LRRC14: variants seen among roughly 807,000 people sequenced by gnomAD.
LRRC14 encodes leucine-rich repeat-containing protein 14.
Under a neutral mutation model 25.3 loss-of-function variants are expected in LRRC14, and 16 were observed. The ratio of observed to expected loss-of-function variants is 0.63; its 90% CI spans 0.43 to 0.96. LRRC14 has a LOEUF of 0.96. Ranked by LOEUF, LRRC14 falls within the 40% of genes least tolerant of loss-of-function variation. The pLI is 0.00. For synonymous variants in LRRC14, 359 were observed against 295.1 expected (o/e 1.22, Z -2.22); for missense variants, 594 against 660.5 (o/e 0.90, Z 1.10).
Position 144,524,384 on chromosome 8 carries a change from C to G in LRRC14, c.*2906C>G, listed in dbSNP as rs1816267631. On this transcript the variant is annotated 3_prime_UTR_variant, in exon 4 of 4. Coordinates refer to ENST00000292524, the MANE Select transcript of LRRC14 (RefSeq NM_014665.4). ...GTTGCCTTTTCTAACTATTCCAGCC[C>G]TACAGGGCGAGGGGCCATAATGGAG... 1 of 1,594,080 alleles carries G rather than the reference C, an allele frequency of 6.3e-7. No individual in the cohort carries two copies. The highest frequency in any genetic ancestry group is 1.3e-5 in the African/African-American group (1 of 74,748).
In LRRC14 at chr8:144,523,441, G is replaced by A. The variant is rs1286323758; in HGVS notation, c.*1963G>A. The A allele has an allele frequency of 2.7e-6, 4 of 1,506,882 alleles. No individual in the cohort carries two copies. The highest frequency in any genetic ancestry group is 4.5e-5 in the Admixed American group (2 of 44,308). The allele number at this position is 1,506,882 out of a possible 1,614,324, so 93.3% of individuals were successfully genotyped here. ...GAGAGCAGCGTTAGGCAGGTGGCTTGAGGGTGCTGCTAAAACAGCCTGTGC... is the reference window on the plus strand; with the variant it reads ...GAGAGCAGCGTTAGGCAGGTGGCTTAAGGGTGCTGCTAAAACAGCCTGTGC... On this transcript the variant is annotated 3_prime_UTR_variant, in exon 4 of 4. Coordinates refer to ENST00000292524, the MANE Select transcript of LRRC14 (RefSeq NM_014665.4).
Position 144,524,464 on chromosome 8 carries a change from C to T in LRRC14, c.*2986C>T, listed in dbSNP as rs756405319. 2.1e-5 allele frequency: 34 copies of T among 1,597,852 alleles called. No individual in the cohort carries two copies. In the South Asian group the frequency reaches 3.1e-4, roughly 14 times the overall value. ...ACCGGCAGGTGCAAGAAGGTGAAAT[C>T]CAGCAGCCGCGCCAGCTGGTTGCCC... On this transcript the variant is annotated 3_prime_UTR_variant, in exon 4 of 4. Coordinates refer to ENST00000292524, the MANE Select transcript of LRRC14 (RefSeq NM_014665.4).
intron 1 of LRRC14, chr8:144,519,364 G>A (rs1815794158): frequency 2.6e-5 from 9 of 341,302 alleles, no homozygotes; most frequent in Non-Finnish European, 5.0e-5. Context: ...TTTGTAATTT[G>A]AGAGGCCTGA....
In LRRC14 at chr8:144,521,692, T is replaced by G. The variant is rs77726980; in HGVS notation, c.*214T>G. The stretch of plus-strand genomic sequence containing the variant: ...CTTGCTCCATAATTGGCTGATCATC[T>G]GTGGGCCCCGGGGCTGGATGTCAGG... On this transcript the variant is annotated 3_prime_UTR_variant, in exon 4 of 4. Transcript: ENST00000292524. The G allele has an allele frequency of 6.4e-4, 372 of 583,326 alleles. 5 individuals carry two copies. In the East Asian group the frequency reaches 0.011, roughly 17 times the overall value. The allele number at this position is 583,326 out of a possible 1,614,324, so 36.1% of individuals were successfully genotyped here. A position where few individuals can be genotyped will look rare whatever the true frequency, so the allele number is the denominator to read the frequency against.
Position 144,522,926 on chromosome 8 carries a change from G to A in LRRC14, c.*1448G>A. ...GGGCTGCTGCGGCTGCTGCCGGGAC[G>A]CGTTGACCAGGAGCCGGAAGGGCAC... On this transcript the variant is annotated 3_prime_UTR_variant, in exon 4 of 4. Coordinates refer to ENST00000292524, the MANE Select transcript of LRRC14 (RefSeq NM_014665.4). 6.7e-7 allele frequency: 1 copy of A among 1,500,846 alleles called. No individual in the cohort carries two copies. Among genetic ancestry groups the A allele is most frequent in the Non-Finnish European group, 8.8e-7 (1 of 1,134,680 alleles). 93.0% of individuals were successfully genotyped at this position (1,500,846 alleles called of 1,614,324 possible).
rs879249743 is a variant in LRRC14, at chr8:144,520,493, C to T, written c.585C>T (p.Leu195=). The change falls in exon 3 of 4, where the codon CTC becomes CTT. Residue 195 remains leucine (L), a synonymous_variant. Transcript: ENST00000292524. The stretch of plus-strand genomic sequence containing the variant: ...GCAGCGTGGGCAGCCCGCTGCGGCT[C>T]TGCTGCCGGGACCTGCGAGCTGAGG... ...LRSSVGSPLR[L]CCRDLRAEDL... is the part of the protein sequence containing the mutation. 6 of 1,598,624 alleles carry T rather than the reference C, an allele frequency of 3.8e-6. No homozygotes were observed. The South Asian group carries it at 6.6e-5, about 18-fold the overall frequency.
Position 144,524,809 on chromosome 8 carries a change from T to G in LRRC14, c.*3331T>G. The G allele has an allele frequency of 6.8e-7, 1 of 1,460,116 alleles. No homozygotes were observed. Among genetic ancestry groups the G allele is most frequent in the South Asian group, 1.3e-5 (1 of 74,878 alleles). The allele number at this position is 1,460,116 out of a possible 1,614,324, so 90.4% of individuals were successfully genotyped here. On this transcript the variant is annotated 3_prime_UTR_variant, in exon 4 of 4. Transcript: ENST00000292524. The stretch of plus-strand genomic sequence containing the variant: ...CCCGTCCTCCCGCAGCTCCACACGG[T>G]GCCCACCTGCGTCCCTGGCGGGATT...
chr8:144,519,434 C>T (rs540319144), intron 1 of LRRC14, 181 bp from the exon 2 acceptor site: 8 of 518,260 alleles, frequency 1.5e-5, no homozygotes, highest in South Asian at 2.4e-5. Context: ...CCCAAGCAAG[C>T]GAGTTGTTGA....
In LRRC14 at chr8:144,524,280, TG is replaced by T; in HGVS notation, c.*2803del. The T allele has an allele frequency of 6.2e-7, 1 of 1,611,424 alleles. No homozygotes were observed. The highest frequency in any genetic ancestry group is 1.7e-5 in the Admixed American group (1 of 60,012). Reference sequence around the variant, plus strand: ...TTGCAGGTGAAGCTCCTGCAGTCGCTGAAGTAAGGACAGCAGATCGTGAGGA... The same window carrying T: ...TTGCAGGTGAAGCTCCTGCAGTCGCTAAGTAAGGACAGCAGATCGTGAGGA... On this transcript the variant is annotated 3_prime_UTR_variant, in exon 4 of 4. Transcript: ENST00000292524.
At position 144,523,712 on chromosome 8, in the gene LRRC14, C is replaced by T. The variant is rs897941104; in HGVS notation, c.*2234C>T. ...CAACAAGTGCCACTGTTTTTAGGAA[C>T]CTGGGCGTCCACATAGACATCTCAC... On this transcript the variant is annotated 3_prime_UTR_variant, in exon 4 of 4. Coordinates refer to ENST00000292524, the MANE Select transcript of LRRC14 (RefSeq NM_014665.4). 7 of 414,686 alleles carry T rather than the reference C, an allele frequency of 1.7e-5. No homozygotes were observed. The highest frequency in any genetic ancestry group is 6.2e-5 in the African/African-American group (3 of 48,542). The allele number at this position is 414,686 out of a possible 1,614,324, so 25.7% of individuals were successfully genotyped here.
Position 144,522,793 on chromosome 8 carries a change from C to G in LRRC14, c.*1315C>G. On this transcript the variant is annotated 3_prime_UTR_variant, in exon 4 of 4. Coordinates refer to ENST00000292524, the MANE Select transcript of LRRC14 (RefSeq NM_014665.4). ...TGAGCGCCAGCAGCGCGATGGCCGC[C>G]GCAATGGCCGTCTGTGTGGCCACGC... is the stretch of plus-strand genomic sequence containing the variant. 1 of 1,545,758 alleles carries G rather than the reference C, an allele frequency of 6.5e-7. No individual in the cohort carries two copies. The highest frequency in any genetic ancestry group is 1.2e-5 in the South Asian group (1 of 84,138).
In LRRC14 at chr8:144,519,985, C is replaced by T. The variant is rs770505495; in HGVS notation, c.260C>T (p.Ala87Val). 1.9e-6 allele frequency: 3 copies of T among 1,612,552 alleles called. No homozygotes were observed. Among genetic ancestry groups the T allele is most frequent in the Non-Finnish European group, 2.5e-6 (3 of 1,179,980 alleles). The change falls in exon 2 of 4, where the codon GCT becomes GTT. Residue 87 changes from alanine (A) to valine (V), a missense_variant. Coordinates refer to ENST00000292524, the MANE Select transcript of LRRC14 (RefSeq NM_014665.4). ...CGGCCTAGCACTGAGAGCATGCAGG[C>T]TGTTATCCTGGGGCTGACTGCCCGG... ...QERPSTESMQ[A>V]VILGLTARLH... is the part of the protein sequence containing the mutation.
rs1816303862 is a variant in LRRC14, at chr8:144,524,903, T to G, written c.*3425T>G. 6.6e-7 allele frequency: 1 copy of G among 1,514,994 alleles called. No homozygotes were observed. Among genetic ancestry groups the G allele is most frequent in the African/African-American group, 1.4e-5 (1 of 72,182 alleles). The allele number at this position is 1,514,994 out of a possible 1,614,324, so 93.8% of individuals were successfully genotyped here. Reference sequence around the variant, plus strand: ...TGGCGCTGTAGCAGCGGCAGGCTGCTGGGCAGCCGGCGGCGCGGAGCGGCA... The same window carrying G: ...TGGCGCTGTAGCAGCGGCAGGCTGCGGGGCAGCCGGCGGCGCGGAGCGGCA... On this transcript the variant is annotated 3_prime_UTR_variant, in exon 4 of 4. Transcript: ENST00000292524.
rs372527111 is a variant in LRRC14, at chr8:144,521,506, C to A, written c.*28C>A. The A allele has an allele frequency of 2.5e-6, 4 of 1,572,666 alleles. No individual in the cohort carries two copies. The highest frequency in any genetic ancestry group is 3.4e-6 in the Non-Finnish European group (4 of 1,162,644). ...AAGTAGCTCTGGGTGAGACACAGGC[C>A]GCCCTGCAGTCTCTTTAGGTAGGCA... is the stretch of plus-strand genomic sequence containing the variant. On this transcript the variant is annotated 3_prime_UTR_variant, in exon 4 of 4. Transcript: ENST00000292524.
In LRRC14 at chr8:144,520,521, C is replaced by T. The variant is rs758829331; in HGVS notation, c.613C>T (p.Leu205=). ...CTGCCGGGACCTGCGAGCTGAGGAC[C>T]TGCCCATGCGCAACACTGTGGCCCT... ...LCCRDLRAED[L]PMRNTVALLQ... Residue 205 remains leucine (L), a synonymous_variant, in exon 3 of 4, where the codon CTG becomes TTG. Coordinates refer to ENST00000292524, the MANE Select transcript of LRRC14 (RefSeq NM_014665.4). The T allele has an allele frequency of 2.5e-6, 4 of 1,599,538 alleles. No individual in the cohort carries two copies. Among genetic ancestry groups the T allele is most frequent in the Non-Finnish European group, 3.4e-6 (4 of 1,179,492 alleles).
chr8:144,524,036 C>A lies in LRRC14; in HGVS notation c.*2558C>A. 3 of 1,515,144 alleles carry A rather than the reference C, an allele frequency of 2.0e-6. No homozygotes were observed. Among genetic ancestry groups the A allele is most frequent in the Non-Finnish European group, 2.7e-6 (3 of 1,117,906 alleles). 93.9% of individuals were successfully genotyped at this position (1,515,144 alleles called of 1,614,324 possible). ...CTGCCCAGTTGCCTGATGTCAGAGC[C>A]CCTCCACACATGAGCCTGCTCCCTA... On this transcript the variant is annotated 3_prime_UTR_variant, in exon 4 of 4. Coordinates refer to ENST00000292524, the MANE Select transcript of LRRC14 (RefSeq NM_014665.4).
rs1340277205 is a variant in LRRC14 at position 144,524,425 on chromosome 8, G to A, written c.*2947G>A. 1 of 1,597,280 alleles carries A rather than the reference G, an allele frequency of 6.3e-7. No individual in the cohort carries two copies. Among genetic ancestry groups the A allele is most frequent in the East Asian group, 2.2e-5 (1 of 44,866 alleles). On this transcript the variant is annotated 3_prime_UTR_variant, in exon 4 of 4. Transcript: ENST00000292524. ...CATAATGGAGTATCCCGCCCCTTTA[G>A]ACCCCAGGCGCTCACCGGCAGGTGC...
In LRRC14 at chr8:144,524,043, C is replaced by T; in HGVS notation, c.*2565C>T. The T allele has an allele frequency of 6.5e-7, 1 of 1,541,738 alleles. No individual in the cohort carries two copies. Among genetic ancestry groups the T allele is most frequent in the South Asian group, 1.2e-5 (1 of 84,924 alleles). ...GTTGCCTGATGTCAGAGCCCCTCCA[C>T]ACATGAGCCTGCTCCCTACTGCCAA... On this transcript the variant is annotated 3_prime_UTR_variant, in exon 4 of 4. Coordinates refer to ENST00000292524, the MANE Select transcript of LRRC14 (RefSeq NM_014665.4).
Position 144,520,840 on chromosome 8 carries a change from C to T in LRRC14, c.914+18C>T. ...CTGCTCAGGTGAGCGGGCCCCACCA[C>T]TGCCCTGCCCCTCCCTTCTGTAGGG... On this transcript the variant is annotated intron_variant, in intron 3 of 3. Transcript: ENST00000292524. The T allele has an allele frequency of 6.3e-7, 1 of 1,593,566 alleles. No individual in the cohort carries two copies. Among genetic ancestry groups the T allele is most frequent in the Non-Finnish European group, 8.5e-7 (1 of 1,175,996 alleles).
Sources: allele counts gnomAD v4.1 joint callset, GRCh38; gene constraint gnomAD v4.1.1; transcripts MANE v1.5; gene names NCBI Gene and HGNC (gene_info 2026-07-23, HGNC 2026-07-21).